PARD3: variants seen among roughly 807,000 people sequenced by gnomAD.
PARD3 encodes par-3 family cell polarity regulator.
In PARD3, 75 loss-of-function variants were observed where a neutral mutation model predicts 155.4. The ratio of observed to expected loss-of-function variants is 0.48; its 90% confidence interval spans 0.40 to 0.58. The LOEUF is 0.58. Among genes scored for constraint, PARD3 ranks in the 20% least tolerant of loss-of-function variants. The pLI, the probability that PARD3 is intolerant of heterozygous loss-of-function variation, is 0.00. For missense variants in PARD3, 1,642 were observed against 1,721.7 expected, an observed-to-expected ratio of 0.95 and a Z score of 0.82; for synonymous variants, 576 against 610.5, an observed-to-expected ratio of 0.94 and a Z score of 0.83.
At chr10:34,345,925 T>C (rs544723209) in intron 15 of PARD3, 1 of 984,684 alleles carries the variant, frequency 1.0e-6, no homozygotes, top group Non-Finnish European at 1.2e-6. Context: ...AAAATATGCA[T>C]ATATACTTGT....
chr10:34,366,854 T>C (rs1252130887), intron 12 of PARD3, among the ~76,000 whole-genome samples: 1 of 152,198 alleles, frequency 6.6e-6, no homozygotes, highest in African/African-American at 2.4e-5. Context: ...CCATTTTAAT[T>C]TATCCCGTAT....
intron 1 of PARD3, among the ~76,000 whole-genome samples, chr10:34,754,640 T>A (rs12253709): frequency 0.024 from 3,588 of 151,050 alleles, 143 homozygotes; most frequent in African/African-American, 0.085. Context: ...GCAGATTTTC[T>A]TTCTTTTACT....
At chr10:34,451,082 T>C (rs1028989697) in intron 4 of PARD3, among the ~76,000 whole-genome samples, 1 of 152,186 alleles carries the variant, frequency 6.6e-6, no homozygotes, top group Non-Finnish European at 1.5e-5. Context: ...GACATGGATA[T>C]AACAAGCGAT....
At chr10:34,647,620 G>A (rs1009429247) in intron 2 of PARD3, among the ~76,000 whole-genome samples, 2 of 151,940 alleles carry the variant, frequency 1.3e-5, no homozygotes, top group South Asian at 2.1e-4. Flanking sequence ...ACCTTTTCTC[G>A]ATGCAGTCAA....
chr10:34,229,995 C>T (rs529024255), intron 22 of PARD3, among the ~76,000 whole-genome samples: 1 of 152,258 alleles, frequency 6.6e-6, no homozygotes, highest in South Asian at 2.1e-4. Context: ...TTTAAAAATA[C>T]TGAAGCGTTA....
chr10:34,782,736 T>C (rs531776130), intron 1 of PARD3, among the ~76,000 whole-genome samples: 3 of 151,516 alleles, frequency 2.0e-5, no homozygotes, highest in Admixed American at 6.6e-5. Flanking sequence ...TTTTTTTTCT[T>C]TTTTTTTTGA....
At chr10:34,321,241 T>A (rs983152486) in intron 19 of PARD3, among the ~76,000 whole-genome samples, 1 of 152,172 alleles carries the variant, frequency 6.6e-6, no homozygotes, top group Non-Finnish European at 1.5e-5. Flanking sequence ...ATATAAACAA[T>A]TTTTCAAGTA....
intron 2 of PARD3, among the ~76,000 whole-genome samples, chr10:34,605,971 CTATATCTCCTATATATATA>C (rs1365747680): frequency 3.7e-5 from 2 of 53,994 alleles, no homozygotes; most frequent in Non-Finnish European, 6.2e-5. Flanking sequence ...TCTCCTATAT[CTATATCTCCTATATATATA>C]TATCTCCTAT....
intron 10 of PARD3, among the ~76,000 whole-genome samples, chr10:34,376,581 T>A (rs1589361565): frequency 6.6e-6 from 1 of 152,306 alleles, no homozygotes; most frequent in East Asian, 1.9e-4. Flanking sequence ...ACATAATTTG[T>A]ACTCAAACAT....
chr10:34,470,102 T>G lies in PARD3; in HGVS notation c.565A>C (p.Lys189Gln), dbSNP rs2078257211. The G allele has an allele frequency of 6.2e-7, 1 of 1,607,278 alleles. No homozygotes were observed. Among genetic ancestry groups the G allele is most frequent in the African/African-American group, 1.3e-5 (1 of 74,656 alleles). Residue 189 changes from lysine to glutamine, a missense_variant, in exon 4 of 25, where the codon AAA becomes CAA. This residue lies in a region of PARD3 where 1,529 missense variants were observed against 1,587.3 expected (regional missense o/e 0.96). Transcript: ENST00000374788. ...FLKQNTAGSP[K>Q]TCDRKKDENY... ...GTGGTTACCTTCCTGTCGCAGGTTT[T>G]AGGACTCCCAGCAGTGTTCTGCTTG...
chr10:34,556,185 T>G (rs1467185436), intron 2 of PARD3, among the ~76,000 whole-genome samples: 1 of 152,198 alleles, frequency 6.6e-6, no homozygotes, highest in Non-Finnish European at 1.5e-5. Context: ...TTCCCTTAAC[T>G]TTCGATGCTG....
intron 1 of PARD3, among the ~76,000 whole-genome samples, chr10:34,779,629 A>C (rs1249763231): frequency 2.0e-5 from 3 of 152,206 alleles, no homozygotes; most frequent in African/African-American, 7.2e-5. Flanking sequence ...TCAAAAATAA[A>C]ATAAAATAAA....
intron 1 of PARD3, among the ~76,000 whole-genome samples, chr10:34,781,165 G>A (rs937434553): frequency 4.6e-5 from 7 of 152,172 alleles, no homozygotes; most frequent in East Asian, 1.9e-4. Flanking sequence ...AGGCTCACAC[G>A]AGCATAAATC....
intron 2 of PARD3, among the ~76,000 whole-genome samples, chr10:34,657,231 CAA>C (rs35872932): frequency 7.1e-6 from 1 of 141,260 alleles, no homozygotes; most frequent in African/African-American, 2.6e-5. Flanking sequence ...CCACCTCTAC[CAA>C]AAAAAAAAAA....
intron 1 of PARD3, among the ~76,000 whole-genome samples, chr10:34,784,284 T>C (rs1840661670): frequency 6.6e-6 from 1 of 151,886 alleles, no homozygotes; most frequent in African/African-American, 2.4e-5. Context: ...TAGCAATATA[T>C]AAAAGAGTAA....
At chr10:34,144,985 A>G (rs1254920150) in intron 22 of PARD3, among the ~76,000 whole-genome samples, 1 of 151,886 alleles carries the variant, frequency 6.6e-6, no homozygotes, top group Admixed American at 6.6e-5. Context: ...TATTAGAACT[A>G]AAATATTTTG....
intron 20 of PARD3, among the ~76,000 whole-genome samples, chr10:34,295,892 C>A (rs1956886303): frequency 6.6e-6 from 1 of 152,098 alleles, no homozygotes; most frequent in South Asian, 2.1e-4. Flanking sequence ...GACAGATGTA[C>A]CCTGCCTTAA....
chr10:34,744,220 A>G (rs947934750), intron 1 of PARD3, among the ~76,000 whole-genome samples: 17 of 152,224 alleles, frequency 1.1e-4, no homozygotes, highest in Non-Finnish European at 2.1e-4. Context: ...AAAATGCAAC[A>G]AGCCAGACAG....
chr10:34,579,849 G>A (rs1038382193), intron 2 of PARD3, among the ~76,000 whole-genome samples: 5 of 149,908 alleles, frequency 3.3e-5, no homozygotes, highest in Admixed American at 6.7e-5. Context: ...CTTGTGATCC[G>A]CCTGCCTCGG....
Sources: gnomAD v4.1 joint callset for allele counts (sites outside exome capture counted in the v4.1 genomes callset) on GRCh38, gnomAD v4.1.1 for gene constraint, gnomAD v4.1.1 regional missense constraint, MANE v1.5 for transcripts, NCBI Gene and HGNC (gene_info 2026-07-23, HGNC 2026-07-21) for gene names.